The following CERK variants were observed in gnomAD, a reference collection of about 807,000 sequenced individuals.
CERK encodes the protein ceramide kinase, also known as acylsphingosine kinase.
CERK carries 39 observed loss-of-function variants against 63.4 expected under a neutral mutation model. The ratio of observed to expected loss-of-function variants is 0.61; its 90% CI spans 0.48 to 0.80. The LOEUF (loss-of-function observed/expected upper bound fraction) is 0.80. Ranked by LOEUF, CERK falls within the 30% of genes least tolerant of loss-of-function variation. The pLI, the probability that CERK is intolerant of heterozygous loss-of-function variation, is 0.00. For missense variants in CERK, 670 were observed against 714.1 expected, an observed-to-expected ratio of 0.94 and a Z score of 0.70; for synonymous variants, 302 against 280.0, an observed-to-expected ratio of 1.08 and a Z score of -0.78.
intron 8 of CERK, among the ~76,000 whole-genome samples, chr22:46,698,490 TACCTGTGC>T (rs893176660): frequency 3.9e-5 from 6 of 152,226 alleles, no homozygotes; most frequent in Non-Finnish European, 1.5e-5. Flanking sequence ...AAGTAAAGGA[TACCTGTGC>T]CTGAAGTTAC....
intron 4 of CERK, among the ~76,000 whole-genome samples, chr22:46,711,754 T>TA (rs1395548011): frequency 6.6e-6 from 1 of 152,052 alleles, no homozygotes; most frequent in Non-Finnish European, 1.5e-5. Context: ...TTCTGGTATG[T>TA]AAAAAAAAGT....
At chr22:46,735,790 ATTC>A (rs2082970192) in intron 1 of CERK, among the ~76,000 whole-genome samples, 1 of 152,228 alleles carries the variant, frequency 6.6e-6, no homozygotes, top group African/African-American at 2.4e-5. Context: ...GCTGGTTCAC[ATTC>A]TTCTGCCCTA....
At chr22:46,736,500 C>T (rs1401094628) in intron 1 of CERK, among the ~76,000 whole-genome samples, 1 of 152,206 alleles carries the variant, frequency 6.6e-6, no homozygotes, top group Non-Finnish European at 1.5e-5. Flanking sequence ...CAGTGGCCCG[C>T]ACTTAGGAAG....
chr22:46,701,745 A>G (rs1468427946), intron 6 of CERK, 35 bp from the exon 7 acceptor site: 2 of 1,496,566 alleles, frequency 1.3e-6, no homozygotes, highest in East Asian at 4.9e-5. Flanking sequence ...AAATAGCATC[A>G]GAATAACAGA....
At chr22:46,690,288 G>T (rs749450066) in intron 11 of CERK, 88 bp from the exon 12 acceptor site, 3 of 1,004,554 alleles carry the variant, frequency 3.0e-6, no homozygotes, top group East Asian at 2.4e-5. Flanking sequence ...GACAGCGAGC[G>T]CTGTCAGGCC....
intron 1 of CERK, among the ~76,000 whole-genome samples, chr22:46,735,666 T>C (rs1219621430): frequency 6.6e-6 from 1 of 152,070 alleles, no homozygotes; most frequent in Non-Finnish European, 1.5e-5. Context: ...TTTGCACAAT[T>C]CTCCACCTCT....
intron 6 of CERK, among the ~76,000 whole-genome samples, chr22:46,707,471 C>A (rs1330995679): frequency 6.6e-6 from 1 of 152,114 alleles, no homozygotes; most frequent in African/African-American, 2.4e-5. Context: ...CCTGCCCACA[C>A]CCACCCCTAA....
At position 46,725,171 on chromosome 22, in the gene CERK, C is replaced by T. The variant is rs149758635; in HGVS notation, c.143-4156G>A. On this transcript the variant is annotated intron_variant, in intron 1 of 12. Transcript: ENST00000216264. ...CAGCCTAGCAGCACTTACCCCTTCT[C>T]CTGCTCTCCTCACCTCGGTGTGTCA... is the stretch of plus-strand genomic sequence containing the variant. Among the ~76,000 whole-genome samples the T allele has an allele frequency of 5.0e-3, 759 of 152,214 alleles. 4 individuals are homozygous for T. Among genetic ancestry groups the T allele is most frequent in the Middle Eastern group, 0.02 (6 of 294 alleles).
chr22:46,690,109 C>T lies in CERK; in HGVS notation c.1424G>A (p.Gly475Glu), dbSNP rs144306156. The change falls in exon 12 of 13, where the codon GGG (glycine) becomes GAG (glutamate). Residue 475 changes from glycine (G) to glutamate (E), a missense_variant. Coordinates refer to ENST00000216264, the MANE Select transcript of CERK (RefSeq NM_022766.6). ...MEDEDSDLKE[G>E]GKKRFGHICS... ...AATGTGCCCAAAGCGCTTCTTCCCC[C>T]CCTCCTTGAGGTCGCTGTCCTCATC... The T allele has an allele frequency of 1.1e-5, 17 of 1,614,090 alleles. No individual in the cohort carries two copies. In the East Asian group the frequency reaches 1.1e-4, roughly 11 times the overall value.
intron 10 of CERK, among the ~76,000 whole-genome samples, chr22:46,693,001 C>T (rs1159606833): frequency 6.6e-6 from 1 of 152,036 alleles, no homozygotes; most frequent in Non-Finnish European, 1.5e-5. Flanking sequence ...ATTTCAGTGT[C>T]CATAAATAAA....
intron 10 of CERK, among the ~76,000 whole-genome samples, chr22:46,693,116 G>A (rs1291677244): frequency 6.6e-6 from 1 of 152,136 alleles, no homozygotes; most frequent in African/African-American, 2.4e-5. Context: ...CACCAAGCAA[G>A]CCCTCAATGG....
intron 1 of CERK, among the ~76,000 whole-genome samples, chr22:46,729,993 C>G (rs745782899): frequency 2.0e-5 from 3 of 151,780 alleles, no homozygotes; most frequent in Middle Eastern, 6.8e-3. Flanking sequence ...GAGCCAAGAT[C>G]GCACCACTGC....
At chr22:46,727,681 C>T (rs765641086) in intron 1 of CERK, among the ~76,000 whole-genome samples, 15 of 152,288 alleles carry the variant, frequency 9.8e-5, no homozygotes, top group Non-Finnish European at 1.6e-4. Context: ...CCTAACGTCC[C>T]GATACCAGCC....
At chr22:46,691,032 C>CATACATACAT in intron 11 of CERK, among the ~76,000 whole-genome samples, 1 of 139,676 alleles carries the variant, frequency 7.2e-6, no homozygotes, top group African/African-American at 2.7e-5. Flanking sequence ...TATATATACA[C>CATACATACAT]ATACACACAC....
At chr22:46,711,173 C>T in intron 4 of CERK, 24 bp from the exon 5 acceptor site, 1 of 1,581,180 alleles carries the variant, frequency 6.3e-7, no homozygotes, top group Non-Finnish European at 8.7e-7. Flanking sequence ...TTACATCACA[C>T]AGTTTATATT....
chr22:46,707,763 T>G (rs752645773), intron 6 of CERK, 80 bp downstream of exon 6: 10 of 1,479,410 alleles, frequency 6.8e-6, no homozygotes, highest in African/African-American at 1.4e-5. Context: ...GGTTATTAAG[T>G]GTCCGAGGTG....
chr22:46,691,048 T>TACACACACAC, intron 11 of CERK, among the ~76,000 whole-genome samples: 1 of 87,788 alleles, frequency 1.1e-5, no homozygotes, highest in South Asian at 3.7e-4. Context: ...CACACATGTA[T>TACACACACAC]ACATACATAC....
chr22:46,738,087 C>T lies in CERK; in HGVS notation c.62G>A (p.Cys21Tyr), dbSNP rs200137368. The change falls in exon 1 of 13, where the codon TGC becomes TAC. Residue 21 changes from cysteine (C) to tyrosine (Y), a missense_variant. Physicochemically the swap from Cys to Tyr is radical, Grantham distance 194. Transcript: ENST00000216264. ...CCGCGCGGGCTCCAGGCTCACGGCG[C>T]AGCGCTGCTGCTTCACCCACAGCAC... ...QSVLWVKQQR[C>Y]AVSLEPARAL... is the part of the protein sequence containing the mutation. 43,657 of 1,290,016 alleles carry T rather than the reference C, an allele frequency of 0.034. 815 individuals carry two copies. The highest frequency in any genetic ancestry group is 0.039 in the Non-Finnish European group (39,223 of 1,011,244). 79.9% of individuals were successfully genotyped at this position (1,290,016 alleles called of 1,614,324 possible). A position where few individuals can be genotyped will look rare whatever the true frequency, so the allele number is the denominator to read the frequency against.
At chr22:46,711,895 CT>C (rs760785128) in intron 4 of CERK, among the ~76,000 whole-genome samples, 69 of 152,256 alleles carry the variant, frequency 4.5e-4, no homozygotes, top group Non-Finnish European at 7.5e-4. Context: ...CGAAACCAGC[CT>C]AAGCAATATG....
Sources: gnomAD v4.1 joint callset for allele counts (sites outside exome capture counted in the v4.1 genomes callset) on GRCh38, gnomAD v4.1.1 for gene constraint, MANE v1.5 for transcripts, NCBI Gene and HGNC (gene_info 2026-07-23, HGNC 2026-07-21) for gene names.